Variants in CHSY3 observed in about 807,000 individuals in gnomAD.
CHSY3 encodes the protein chondroitin sulfate synthase 3, also known as N-acetylgalactosaminyl-proteoglycan 3-beta-glucuronosyltransferase 3.
CHSY3 carries 35 observed loss-of-function variants against 67.2 expected under a neutral mutation model. The observed-to-expected ratio is 0.52, with a 90% CI of 0.40 to 0.69. The LOEUF is 0.69. Among genes scored for constraint, CHSY3 ranks in the 30% least tolerant of loss-of-function variants. CHSY3 has a pLI of 0.00. For missense variants in CHSY3, 1,069 were observed against 1,138.5 expected, an observed-to-expected ratio of 0.94 and a Z score of 0.88; for synonymous variants, 474 against 434.7, an observed-to-expected ratio of 1.09 and a Z score of -1.12.
intron 2 of CHSY3, among the ~76,000 whole-genome samples, chr5:129,942,201 G>C (rs913936009): frequency 6.6e-6 from 1 of 152,124 alleles, no homozygotes; most frequent in African/African-American, 2.4e-5. Context: ...CCTGAAGCCT[G>C]TGACACCCAA....
At chr5:130,035,991 A>G (rs987372323) in intron 2 of CHSY3, among the ~76,000 whole-genome samples, 4 of 147,452 alleles carry the variant, frequency 2.7e-5, no homozygotes, top group Admixed American at 2.1e-4. Context: ...AAAGATGTAC[A>G]TTCTAAAAAT....
chr5:129,953,365 T>C (rs1762080012), intron 2 of CHSY3, among the ~76,000 whole-genome samples: 1 of 152,194 alleles, frequency 6.6e-6, no homozygotes, highest in Non-Finnish European at 1.5e-5. Context: ...ACATTTTCTT[T>C]ATCCAGTCTA....
intron 2 of CHSY3, among the ~76,000 whole-genome samples, chr5:130,159,838 C>T: frequency 6.6e-6 from 1 of 152,128 alleles, no homozygotes; most frequent in East Asian, 1.9e-4. Context: ...GCATCCAAGG[C>T]AATCAGTTAC....
chr5:130,132,397 A>G (rs984294396), intron 2 of CHSY3, among the ~76,000 whole-genome samples: 19 of 152,242 alleles, frequency 1.2e-4, no homozygotes, highest in African/African-American at 4.1e-4. Flanking sequence ...AAACGTGATC[A>G]TGGACCTCAG....
chr5:129,967,068 A>G (rs116235475), intron 2 of CHSY3, among the ~76,000 whole-genome samples: 3,710 of 151,920 alleles, frequency 0.024, 68 homozygotes, highest in Admixed American at 0.038. Context: ...AGAAAAAGAT[A>G]CTCAAAATCC....
chr5:130,143,808 GTGTATATATA>G (rs1222730554), intron 2 of CHSY3, among the ~76,000 whole-genome samples: 2 of 34,066 alleles, frequency 5.9e-5, no homozygotes, highest in Non-Finnish European at 1.2e-4. Flanking sequence ...ATATATATGT[GTGTATATATA>G]TATATATATA....
intron 2 of CHSY3, among the ~76,000 whole-genome samples, chr5:130,163,356 ATTGT>A (rs1005204216): frequency 1.3e-5 from 2 of 152,166 alleles, no homozygotes; most frequent in Admixed American, 1.3e-4. Flanking sequence ...ATATATAGTA[ATTGT>A]TTGTTTTGGC....
At chr5:130,097,870 G>T (rs574592332) in intron 2 of CHSY3, among the ~76,000 whole-genome samples, 2 of 152,048 alleles carry the variant, frequency 1.3e-5, no homozygotes, top group African/African-American at 2.4e-5. Context: ...GCCGGGCATG[G>T]TGGTGGGCGC....
chr5:130,096,874 T>G (rs1767065791), intron 2 of CHSY3, among the ~76,000 whole-genome samples: 1 of 152,150 alleles, frequency 6.6e-6, no homozygotes. Context: ...TGTCCAGAAA[T>G]TATTATTTTT....
chr5:130,151,098 A>G lies in CHSY3; in HGVS notation c.1087-33131A>G, dbSNP rs575372548. Among the ~76,000 whole-genome samples the G allele has an allele frequency of 4.6e-5, 7 of 152,288 alleles. No homozygotes were observed. In the East Asian group the frequency reaches 1.4e-3, roughly 29 times the overall value. ...GTAGTTCAGCATCATTAAGAACCAC[A>G]TGGATATTTTGTGGGGATTATGGGT... On this transcript the variant is annotated intron_variant, in intron 2 of 2. Transcript: ENST00000305031.
intron 2 of CHSY3, among the ~76,000 whole-genome samples, chr5:130,165,385 G>A (rs540082274): frequency 4.9e-4 from 75 of 152,142 alleles, no homozygotes; most frequent in African/African-American, 1.6e-3. Context: ...GATATATTAG[G>A]GCTAACTCTT....
intron 2 of CHSY3, among the ~76,000 whole-genome samples, chr5:130,127,211 C>A (rs947467143): frequency 3.9e-5 from 6 of 151,950 alleles, no homozygotes; most frequent in Non-Finnish European, 7.4e-5. Context: ...AGCCAATCAT[C>A]ATAGACTTAG....
chr5:129,907,407 T>C (rs1760349380), intron 1 of CHSY3, among the ~76,000 whole-genome samples: 1 of 152,180 alleles, frequency 6.6e-6, no homozygotes. Context: ...GACTCTCTAC[T>C]TATTCCAATG....
intron 2 of CHSY3, among the ~76,000 whole-genome samples, chr5:129,981,829 T>C (rs1056766363): frequency 2.0e-5 from 3 of 152,204 alleles, no homozygotes; most frequent in African/African-American, 7.2e-5. Flanking sequence ...ATGCTAGATG[T>C]GGGTTTTTTT....
At chr5:130,161,477 A>G (rs911725448) in intron 2 of CHSY3, among the ~76,000 whole-genome samples, 11 of 152,160 alleles carry the variant, frequency 7.2e-5, no homozygotes, top group Non-Finnish European at 1.6e-4. Flanking sequence ...TAAAGTTTTA[A>G]AGGTTAATAT....
intron 2 of CHSY3, among the ~76,000 whole-genome samples, chr5:130,111,407 T>G (rs957043592): frequency 6.6e-6 from 1 of 152,084 alleles, no homozygotes; most frequent in African/African-American, 2.4e-5. Context: ...TCCTAAGTCC[T>G]CAGATTCATT....
chr5:130,159,276 C>T (rs1769459586), intron 2 of CHSY3, among the ~76,000 whole-genome samples: 1 of 150,180 alleles, frequency 6.7e-6, no homozygotes, highest in Admixed American at 6.7e-5. Flanking sequence ...GTGATCCTCC[C>T]ACCCCAGCCT....
At chr5:129,982,378 A>G (rs1763046314) in intron 2 of CHSY3, among the ~76,000 whole-genome samples, 1 of 152,080 alleles carries the variant, frequency 6.6e-6, no homozygotes, top group Admixed American at 6.5e-5. Context: ...TTTTTAACAT[A>G]GGAGAAACAA....
chr5:129,962,621 T>C (rs1164684389), intron 2 of CHSY3, among the ~76,000 whole-genome samples: 1 of 152,048 alleles, frequency 6.6e-6, no homozygotes, highest in Non-Finnish European at 1.5e-5. Context: ...GTCTGACACC[T>C]GTGTGCTTTT....
Sources: gnomAD v4.1 joint callset for allele counts (sites outside exome capture counted in the v4.1 genomes callset) on GRCh38, gnomAD v4.1.1 for gene constraint, MANE v1.5 for transcripts, NCBI Gene and HGNC (gene_info 2026-07-23, HGNC 2026-07-21) for gene names.